Variants in VDAC1 observed in about 807,000 individuals in gnomAD.
VDAC1 encodes the protein non-selective voltage-gated ion channel VDAC1.
In VDAC1, 10 loss-of-function variants were observed where a neutral mutation model predicts 34.7. The observed-to-expected ratio is 0.29, with a 90% CI of 0.18 to 0.49. VDAC1 has a LOEUF of 0.49. VDAC1 is among the 20% of genes least tolerant of loss of function. The probability of loss-of-function intolerance (pLI) is 0.99; values close to 1 mark genes in which losing one functional copy is unlikely to be tolerated. For synonymous variants in VDAC1, 130 were observed against 136.0 expected, an observed-to-expected ratio of 0.96 and a Z score of 0.30; for missense variants, 230 against 347.9, an observed-to-expected ratio of 0.66 and a Z score of 2.69.
the VDAC1 span, among the ~76,000 whole-genome samples, chr5:134,062,778 C>A: frequency 2.0e-5 from 3 of 151,632 alleles, no homozygotes; most frequent in African/African-American, 4.8e-5. Flanking sequence ...AGGCGCCCAC[C>A]ACCATGCTCA....
the VDAC1 span, among the ~76,000 whole-genome samples, chr5:134,059,249 C>T: frequency 6.6e-6 from 1 of 152,160 alleles, no homozygotes; most frequent in African/African-American, 2.4e-5. Flanking sequence ...CACCAGCCAA[C>T]GTGAGGCTCC....
chr5:133,978,126 A>G (rs999296777), intron 6 of VDAC1, among the ~76,000 whole-genome samples: 7 of 152,072 alleles, frequency 4.6e-5, no homozygotes, highest in African/African-American at 1.7e-4. Context: ...TCTAGTCTTC[A>G]CAAGACACTC....
chr5:134,033,290 TG>T, the VDAC1 span, among the ~76,000 whole-genome samples: 3 of 151,376 alleles, frequency 2.0e-5, no homozygotes, highest in African/African-American at 7.3e-5. Flanking sequence ...CCCAAGTAGC[TG>T]GGGCTACAGG....
At chr5:134,061,496 C>T in the VDAC1 span, among the ~76,000 whole-genome samples, 1 of 151,500 alleles carries the variant, frequency 6.6e-6, no homozygotes, top group Non-Finnish European at 1.5e-5. Context: ...CACCACCTCC[C>T]AAGTAGCTGG....
chr5:134,098,628 T>A, the VDAC1 span, among the ~76,000 whole-genome samples: 3 of 152,236 alleles, frequency 2.0e-5, no homozygotes, highest in Non-Finnish European at 2.9e-5. Flanking sequence ...GACCACCAGC[T>A]CCATCTTTAT....
At chr5:133,997,380 C>T (rs1188723883) in intron 1 of VDAC1, among the ~76,000 whole-genome samples, 4 of 152,072 alleles carry the variant, frequency 2.6e-5, no homozygotes, top group Non-Finnish European at 5.9e-5. Context: ...AGGTACTATA[C>T]TTGCAAACTA....
In VDAC1 at chr5:133,980,722, C is replaced by T. The variant is rs1224406044; in HGVS notation, c.551+7G>A. On this transcript the variant is annotated splice_region_variant and intron_variant, in intron 6 of 8. Transcript: ENST00000265333. ...CCTCCCACCCTGCTGCCCCCATGTA[C>T]ACTTACACATTAGTGTGAAGCTGGA... The T allele has an allele frequency of 1.4e-6, 1 of 691,112 alleles. No individual in the cohort carries two copies. Among genetic ancestry groups the T allele is most frequent in the Admixed American group, 2.2e-5 (1 of 44,902 alleles). The allele number at this position is 691,112 out of a possible 1,614,324, so 42.8% of individuals were successfully genotyped here. A position where few individuals can be genotyped will look rare whatever the true frequency, so the allele number is the denominator to read the frequency against.
At chr5:134,040,597 G>C in the VDAC1 span, among the ~76,000 whole-genome samples, 6 of 151,952 alleles carry the variant, frequency 3.9e-5, no homozygotes, top group African/African-American at 1.4e-4. Flanking sequence ...AATTAGCTGG[G>C]CATGGTGCCA....
the VDAC1 span, among the ~76,000 whole-genome samples, chr5:134,016,612 G>T: frequency 1.3e-5 from 2 of 152,186 alleles, no homozygotes; most frequent in African/African-American, 2.4e-5. Flanking sequence ...CCCAGTTTCT[G>T]TCACCATGGC....
intron 1 of VDAC1, among the ~76,000 whole-genome samples, chr5:134,002,848 C>T (rs1753611476): frequency 6.6e-6 from 1 of 152,030 alleles, no homozygotes. Context: ...GCCTGGGATC[C>T]CAGATACTCT....
chr5:133,974,910 G>A (rs561746943), intron 7 of VDAC1, among the ~76,000 whole-genome samples: 8 of 151,096 alleles, frequency 5.3e-5, no homozygotes, highest in Non-Finnish European at 8.8e-5. Context: ...AGCTGAGATC[G>A]TGCCATTGCA....
chr5:134,071,267 G>A, the VDAC1 span, among the ~76,000 whole-genome samples: 30 of 152,258 alleles, frequency 2.0e-4, no homozygotes, highest in African/African-American at 7.2e-4. The surrounding 1 kb of genome is among the most constrained non-coding windows in gnomAD (Gnocchi z 4.1). Flanking sequence ...CGCAGCGGGG[G>A]CGGCGCCGTG....
chr5:134,039,367 C>T, the VDAC1 span, among the ~76,000 whole-genome samples: 1 of 152,128 alleles, frequency 6.6e-6, no homozygotes. Flanking sequence ...CTCCCTCTGT[C>T]GCCCAGGCTG....
At chr5:134,042,134 G>A in the VDAC1 span, among the ~76,000 whole-genome samples, 13 of 152,212 alleles carry the variant, frequency 8.5e-5, no homozygotes, top group Non-Finnish European at 4.4e-5. Context: ...AAGGGGCAGC[G>A]TGGGAAGGTC....
At chr5:134,016,834 G>C in the VDAC1 span, among the ~76,000 whole-genome samples, 7 of 152,246 alleles carry the variant, frequency 4.6e-5, no homozygotes, top group African/African-American at 1.7e-4. Flanking sequence ...AGGGTTGTGT[G>C]GCTTACACAC....
the VDAC1 span, among the ~76,000 whole-genome samples, chr5:134,109,937 C>T: frequency 0.8 from 121,638 of 152,182 alleles, 48,963 homozygotes; most frequent in Non-Finnish European, 0.86. Context: ...CTGGTACACC[C>T]GGCAGCCTAG....
At chr5:134,019,164 G>A in the VDAC1 span, among the ~76,000 whole-genome samples, 23 of 152,134 alleles carry the variant, frequency 1.5e-4, no homozygotes, top group Admixed American at 4.6e-4. Flanking sequence ...GGAGTCATTC[G>A]TGTTAACAAA....
the VDAC1 span, among the ~76,000 whole-genome samples, chr5:134,026,056 G>C: frequency 6.6e-6 from 1 of 152,050 alleles, no homozygotes. Flanking sequence ...GTCATTGCCG[G>C]GCAAGCAGCT....
chr5:133,996,871 G>C (rs1753336297), intron 1 of VDAC1, among the ~76,000 whole-genome samples: 1 of 152,138 alleles, frequency 6.6e-6, no homozygotes, highest in African/African-American at 2.4e-5. Context: ...GAGTGGGGGA[G>C]TTGGGGAGAC....
Sources: allele counts gnomAD v4.1 joint callset (sites outside exome capture counted in the v4.1 genomes callset), GRCh38; gene constraint gnomAD v4.1.1; non-coding constraint Gnocchi (gnomAD v3.1); transcripts MANE v1.5; gene names NCBI Gene and HGNC (gene_info 2026-07-23, HGNC 2026-07-21).